The following TUBGCP2 variants were observed in gnomAD, a reference collection of about 807,000 sequenced individuals.
TUBGCP2 encodes tubulin gamma complex component 2.
Under a neutral mutation model 92.2 loss-of-function variants are expected in TUBGCP2, and 55 were observed. That is an observed-to-expected ratio of 0.60 (90% CI 0.48 to 0.75). TUBGCP2 has a LOEUF of 0.75. TUBGCP2 is among the 30% of genes least tolerant of loss of function. The pLI is 0.00. For missense variants in TUBGCP2, 1,093 were observed against 1,188.9 expected (o/e 0.92, Z 1.19); for synonymous variants, 533 against 505.2 (o/e 1.06, Z -0.74).
At position 133,293,064 on chromosome 10, in the gene TUBGCP2, G is replaced by A. The variant is rs780632991; in HGVS notation, c.999C>T (p.Arg333=). The change falls in exon 7 of 18, where the codon CGC becomes CGT. Residue 333 remains arginine (R), a synonymous_variant. Coordinates refer to ENST00000252936, the MANE Select transcript of TUBGCP2 (RefSeq NM_006659.4). ...CGAGGGAGGCCAGGATGTCCATGGT[G>A]CGCATGGCTGGCTGGATGTAGAACC... The part of the protein sequence containing the change: ...KLWFYIQPAM[R]TMDILASLAT... The A allele has an allele frequency of 1.9e-6, 3 of 1,613,378 alleles. No homozygotes were observed. The African/African-American group carries it at 4.0e-5, about 22-fold the overall frequency.
Position 133,298,037 on chromosome 10 carries a change from G to A in TUBGCP2, c.531C>T (p.Phe177=), listed in dbSNP as rs1422250905. Residue 177 remains phenylalanine (F), a synonymous_variant, in exon 5 of 18, where the codon TTC becomes TTT. Coordinates refer to ENST00000252936, the MANE Select transcript of TUBGCP2 (RefSeq NM_006659.4). ...KKNSGQHLPI[F]PAWVYERPAL... is the part of the protein sequence containing the mutation. ...CAGGTCTCTCATACACCCATGCTGG[G>A]AAGATGGGGAGGTGCTGGCCTGAAT... 9 of 1,614,092 alleles carry A rather than the reference G, an allele frequency of 5.6e-6. No homozygotes were observed. The Admixed American group carries it at 1.3e-4, about 24-fold the overall frequency.
rs1168045831 is a variant in TUBGCP2 at position 133,293,695 on chromosome 10, T to G, written c.691A>C (p.Arg231=). The G allele has an allele frequency of 1.2e-6, 2 of 1,604,346 alleles. No homozygotes were observed. Among genetic ancestry groups the G allele is most frequent in the African/African-American group, 1.3e-5 (1 of 74,798 alleles). Residue 231 remains arginine, a synonymous_variant, in exon 6 of 18, where the codon AGG becomes CGG. Transcript: ENST00000252936. Reference sequence around the variant, plus strand: ...GCCAGGGGCTGAGCACTGACGTACCTCCCGTCCACGCCCACCAGCACGTAC... The same window carrying G: ...GCCAGGGGCTGAGCACTGACGTACCGCCCGTCCACGCCCACCAGCACGTAC... ...LLYVLVGVDG[R]YVSAQPLAGR...
At chr10:133,306,370 T>C (rs1355181448) in intron 1 of TUBGCP2, among the ~76,000 whole-genome samples, 1 of 152,204 alleles carries the variant, frequency 6.6e-6, no homozygotes, top group Non-Finnish European at 1.5e-5. Flanking sequence ...ACTGCTGGTC[T>C]GAGAAACACT....
In TUBGCP2 at chr10:133,279,637, G is replaced by A. The variant is rs1307682901; in HGVS notation, c.*129C>T. 3.8e-6 allele frequency: 5 copies of A among 1,329,676 alleles called. No homozygotes were observed. In the East Asian group the frequency reaches 1.5e-4, roughly 40 times the overall value. 82.4% of individuals were successfully genotyped at this position (1,329,676 alleles called of 1,614,324 possible). A position where few individuals can be genotyped will look rare whatever the true frequency, so the allele number is the denominator to read the frequency against. ...AGCGCCTTGAGAAACAAAGTGAGCT[G>A]AGTCAATCATTCCTGCTTTATATTT... On this transcript the variant is annotated 3_prime_UTR_variant, in exon 18 of 18. Coordinates refer to ENST00000252936, the MANE Select transcript of TUBGCP2 (RefSeq NM_006659.4).
At chr10:133,307,878 C>T (rs1298796401) in intron 1 of TUBGCP2, among the ~76,000 whole-genome samples, 2 of 152,224 alleles carry the variant, frequency 1.3e-5, no homozygotes, top group Admixed American at 6.5e-5. Flanking sequence ...TCGTGGGCTA[C>T]AAACCTGCCC....
chr10:133,292,791 G>T, intron 7 of TUBGCP2, 103 bp from the exon 8 acceptor site: 1 of 1,374,546 alleles, frequency 7.3e-7, no homozygotes, highest in Non-Finnish European at 9.8e-7. Context: ...CTTCTTCCTG[G>T]GACGGTGCTG....
At chr10:133,281,556 G>A in intron 16 of TUBGCP2, 120 bp from the exon 17 acceptor site, 1 of 1,271,644 alleles carries the variant, frequency 7.9e-7, no homozygotes, top group South Asian at 1.5e-5. Flanking sequence ...TAGAAAACAT[G>A]GGTTCCATGA....
intron 9 of TUBGCP2, among the ~76,000 whole-genome samples, chr10:133,289,270 G>T (rs893523914): frequency 5.9e-5 from 9 of 152,232 alleles, no homozygotes; most frequent in Admixed American, 4.6e-4. Flanking sequence ...GGTGGTGGCA[G>T]GGCTTTGCCG....
chr10:133,301,602 T>C (rs1275884644), intron 2 of TUBGCP2: 6 of 151,500 alleles, frequency 4.0e-5, no homozygotes, highest in Non-Finnish European at 8.8e-5. Context: ...AAATTCAAAA[T>C]CATTTTTACT....
intron 2 of TUBGCP2, chr10:133,302,189 A>G (rs1441347213): frequency 1.3e-5 from 2 of 159,358 alleles, no homozygotes; most frequent in African/African-American, 2.4e-5. Flanking sequence ...AGTCAGGAGA[A>G]TCAGAGCTGA....
chr10:133,285,250 G>A lies in TUBGCP2; in HGVS notation c.1896-37C>T, dbSNP rs777141479. On this transcript the variant is annotated intron_variant, in intron 12 of 17. Transcript: ENST00000252936. The surrounding 1 kb of genome is among the most constrained non-coding windows in gnomAD (Gnocchi z 6.8). ...GTGGCGGCACCTCAGGTGGGCCTCCGTGACCGGCGGCGTCGTGGACACGGC... is the reference window on the plus strand; with the variant it reads ...GTGGCGGCACCTCAGGTGGGCCTCCATGACCGGCGGCGTCGTGGACACGGC... 34 of 1,608,550 alleles carry A rather than the reference G, an allele frequency of 2.1e-5. No homozygotes were observed. Among genetic ancestry groups the A allele is most frequent in the South Asian group, 3.3e-5 (3 of 90,974 alleles).
In TUBGCP2 at chr10:133,279,658, T is replaced by C. The variant is rs1365924739; in HGVS notation, c.*108A>G. The C allele has an allele frequency of 1.4e-6, 2 of 1,397,138 alleles. No homozygotes were observed. Among genetic ancestry groups the C allele is most frequent in the Non-Finnish European group, 1.9e-6 (2 of 1,070,570 alleles). The allele number at this position is 1,397,138 out of a possible 1,614,324, so 86.5% of individuals were successfully genotyped here. A position where few individuals can be genotyped will look rare whatever the true frequency, so the allele number is the denominator to read the frequency against. ...AGCTGAGTCAATCATTCCTGCTTTA[T>C]ATTTAAACTGCAAAGACAGAACACA... On this transcript the variant is annotated 3_prime_UTR_variant, in exon 18 of 18. Transcript: ENST00000252936.
chr10:133,306,957 A>C (rs1211945157), intron 1 of TUBGCP2, among the ~76,000 whole-genome samples: 1 of 152,142 alleles, frequency 6.6e-6, no homozygotes, highest in African/African-American at 2.4e-5. Flanking sequence ...ACTCGCACAG[A>C]GTCCCTCCCC....
At chr10:133,295,738 A>G (rs1847473398) in intron 5 of TUBGCP2, 1 of 152,432 alleles carries the variant, frequency 6.6e-6, no homozygotes, top group African/African-American at 2.4e-5. Flanking sequence ...TCGTGCTCAC[A>G]AGGTCCTGAT....
At chr10:133,293,381 A>G in intron 6 of TUBGCP2, 143 bp from the exon 7 acceptor site, 1 of 1,207,318 alleles carries the variant, frequency 8.3e-7, no homozygotes, top group Non-Finnish European at 1.2e-6. Context: ...CCCCAGGAGG[A>G]GATGAGTCAG....
upstream of TUBGCP2, chr10:133,312,198 G>C: frequency 7.1e-6 from 10 of 1,408,892 alleles, no homozygotes; most frequent in Non-Finnish European, 9.2e-6. Flanking sequence ...CGTCACCTGT[G>C]CCGTCTGCGT....
upstream of TUBGCP2, among the ~76,000 whole-genome samples, chr10:133,310,915 C>T (rs1443776992): frequency 2.0e-5 from 3 of 152,124 alleles, no homozygotes; most frequent in African/African-American, 7.2e-5. Context: ...GATTCTCCCA[C>T]TTCAGCCTCC....
Position 133,285,109 on chromosome 10 carries a change from T to C in TUBGCP2, c.2000A>G (p.Gln667Arg). The change falls in exon 13 of 18, where the codon CAG becomes CGG. Residue 667 changes from glutamine (Q) to arginine (R), a missense_variant. By Grantham distance (43) the Gln-to-Arg change is conservative. Transcript: ENST00000252936. This position sits in a 1 kb window ranked among gnomAD's most constrained non-coding sequence, Gnocchi z 6.8. ...CCACTGGGCGGAGTGCAGCGAGTGC[T>C]GCTTGGCGGTTTTGTTGCTGATCCA... ...SVWISNKTAK[Q>R]HSLHSAQWFA... 2.5e-6 allele frequency: 4 copies of C among 1,610,616 alleles called. No individual in the cohort carries two copies. Among genetic ancestry groups the C allele is most frequent in the Non-Finnish European group, 3.4e-6 (4 of 1,177,628 alleles).
At chr10:133,287,610 C>T (rs1037630531) in intron 11 of TUBGCP2, among the ~76,000 whole-genome samples, 22 of 137,922 alleles carry the variant, frequency 1.6e-4, no homozygotes, top group South Asian at 5.0e-4. Flanking sequence ...GGCGTGGTGG[C>T]GCGCACCTGT....
Sources: gnomAD v4.1 joint callset for allele counts (sites outside exome capture counted in the v4.1 genomes callset) on GRCh38, gnomAD v4.1.1 for gene constraint, Gnocchi (gnomAD v3.1) non-coding constraint, MANE v1.5 for transcripts, NCBI Gene and HGNC (gene_info 2026-07-23, HGNC 2026-07-21) for gene names.